Variants in IVNS1ABP observed in about 807,000 individuals in gnomAD.
IVNS1ABP encodes influenza virus NS1A binding protein.
Under a neutral mutation model 78.9 loss-of-function variants are expected in IVNS1ABP, and 25 were observed. The ratio of observed to expected loss-of-function variants is 0.32; its 90% confidence interval spans 0.23 to 0.44. IVNS1ABP has a LOEUF of 0.44. Ranked by LOEUF, IVNS1ABP falls within the 20% of genes least tolerant of loss-of-function variation. The pLI is 1.00. For missense variants in IVNS1ABP, 494 were observed against 768.9 expected (o/e 0.64, Z 4.23); for synonymous variants, 241 against 259.7 (o/e 0.93, Z 0.69).
Position 185,297,024 on chromosome 1 carries a change from C to T in IVNS1ABP, c.*1011G>A, listed in dbSNP as rs1018599391. On this transcript the variant is annotated 3_prime_UTR_variant, in exon 15 of 15. Transcript: ENST00000367498. ...ACATTAGACACCAAGTCATCCCAACCAATATTTATCCATATGAACAGATAA... is the reference window on the plus strand; with the variant it reads ...ACATTAGACACCAAGTCATCCCAACTAATATTTATCCATATGAACAGATAA... 3.7e-4 allele frequency: 57 copies of T among 152,022 alleles called. No homozygotes were observed. Among genetic ancestry groups the T allele is most frequent in the African/African-American group, 1.2e-3 (51 of 41,410 alleles). 9.4% of individuals were successfully genotyped at this position (152,022 alleles called of 1,614,324 possible). A position where few individuals can be genotyped will look rare whatever the true frequency, so the allele number is the denominator to read the frequency against.
chr1:185,316,697 C>T (rs879682431), intron 1 of IVNS1ABP, among the ~76,000 whole-genome samples: 4 of 152,192 alleles, frequency 2.6e-5, no homozygotes, highest in Non-Finnish European at 4.4e-5. Context: ...AGCCTCCGCG[C>T]TCTCCGAGGC....
At chr1:185,312,478 C>A (rs952473437) in intron 1 of IVNS1ABP, among the ~76,000 whole-genome samples, 1 of 152,166 alleles carries the variant, frequency 6.6e-6, no homozygotes, top group Non-Finnish European at 1.5e-5. Context: ...AGTGAATAAT[C>A]ACTTACCACA....
At chr1:185,306,819 G>A in intron 7 of IVNS1ABP, 195 bp downstream of exon 7, 1 of 729,432 alleles carries the variant, frequency 1.4e-6, no homozygotes. Context: ...AATAAAAAAA[G>A]AAAAGCAGAA....
At chr1:185,302,983 T>C (rs937225901) in intron 8 of IVNS1ABP, among the ~76,000 whole-genome samples, 3 of 152,046 alleles carry the variant, frequency 2.0e-5, no homozygotes, top group Admixed American at 6.6e-5. Context: ...ACTAAAGTTG[T>C]GAATGCATCT....
At chr1:185,315,968 G>A (rs1666006451) in intron 1 of IVNS1ABP, among the ~76,000 whole-genome samples, 1 of 152,162 alleles carries the variant, frequency 6.6e-6, no homozygotes, top group Non-Finnish European at 1.5e-5. Context: ...TGAAATGTCA[G>A]CTGTCTCAAA....
At chr1:185,306,987 T>C (rs778571146) in intron 7 of IVNS1ABP, 27 bp downstream of exon 7, 9 of 1,607,494 alleles carry the variant, frequency 5.6e-6, no homozygotes, top group South Asian at 1.1e-5. Context: ...TTAAAAATGG[T>C]TGAATCCCAT....
chr1:185,309,585 TAC>T (rs1205097361), intron 2 of IVNS1ABP, 74 bp from the exon 3 acceptor site: 1 of 747,376 alleles, frequency 1.3e-6, no homozygotes, highest in African/African-American at 1.8e-5. Flanking sequence ...TAAAGAGTAA[TAC>T]AGTCTCTTTA....
chr1:185,298,264 A>G lies in IVNS1ABP; in HGVS notation c.1700T>C (p.Phe567Ser). The G allele has an allele frequency of 6.2e-7, 1 of 1,613,470 alleles. No individual in the cohort carries two copies. Among genetic ancestry groups the G allele is most frequent in the East Asian group, 2.2e-5 (1 of 44,860 alleles). ...ACAACTGATGGCATGAGAACCATCA[A>G]AGCCACCACATACAAACAGTTTTCC... ...LNGKLFVCGG[F>S]DGSHAISCVE... The change falls in exon 15 of 15, where the codon TTT becomes TCT. Residue 567 changes from phenylalanine to serine, a missense_variant. Transcript: ENST00000367498. The surrounding 1 kb of genome is among the most constrained non-coding windows in gnomAD (Gnocchi z 4.1).
At chr1:185,299,477 TC>T (rs1437159456) in intron 14 of IVNS1ABP, 19 of 535,566 alleles carry the variant, frequency 3.5e-5, no homozygotes, top group Admixed American at 1.3e-4. Flanking sequence ...GGAAATTCAC[TC>T]AGTGCACCCA....
chr1:185,309,503 T>C lies in IVNS1ABP; in HGVS notation c.-10A>G, dbSNP rs2102821017. The C allele has an allele frequency of 1.3e-6, 2 of 1,515,044 alleles. No individual in the cohort carries two copies. Among genetic ancestry groups the C allele is most frequent in the East Asian group, 2.3e-5 (1 of 44,338 alleles). 93.9% of individuals were successfully genotyped at this position (1,515,044 alleles called of 1,614,324 possible). ...ATCCATTGGGAATCATTTTTCCTTA[T>C]AAATTTGGCTAGATGATGAAAAGAA... is the stretch of plus-strand genomic sequence containing the variant. On this transcript the variant is annotated 5_prime_UTR_variant, in exon 3 of 15. Transcript: ENST00000367498.
At position 185,299,733 on chromosome 1, in the gene IVNS1ABP, C is replaced by T. The variant is rs1665518207; in HGVS notation, c.1652G>A (p.Gly551Glu). Residue 551 changes from glycine to glutamate, a missense_variant, in exon 14 of 15, where the codon GGA becomes GAA. Physicochemically the swap from Gly to Glu is moderately conservative, Grantham distance 98. Transcript: ENST00000367498. ...ACCATTAAGAACAGCCACTCCAGCT[C>T]CTCGCCTAGCCACATTCATGGGTGC... ...LIAPMNVARR[G>E]AGVAVLNGKL... 6.2e-7 allele frequency: 1 copy of T among 1,613,586 alleles called. No homozygotes were observed.
Position 185,298,391 on chromosome 1 carries a change from G to A in IVNS1ABP, c.1676-103C>T. 1.0e-6 allele frequency: 1 copy of A among 994,300 alleles called. No individual in the cohort carries two copies. The highest frequency in any genetic ancestry group is 2.7e-5 in the Admixed American group (1 of 36,732). 61.6% of individuals were successfully genotyped at this position (994,300 alleles called of 1,614,324 possible). ...TTAAAAATCAGTGGTTTTAAAAATAGAAATGCCTGTTCATTTTGTCAAAAA... is the reference window on the plus strand; with the variant it reads ...TTAAAAATCAGTGGTTTTAAAAATAAAAATGCCTGTTCATTTTGTCAAAAA... On this transcript the variant is annotated intron_variant, in intron 14 of 14. Coordinates refer to ENST00000367498, the MANE Select transcript of IVNS1ABP (RefSeq NM_006469.5). The surrounding 1 kb of genome is among the most constrained non-coding windows in gnomAD (Gnocchi z 4.1).
chr1:185,315,551 C>T (rs1253814026), intron 1 of IVNS1ABP, among the ~76,000 whole-genome samples: 1 of 152,168 alleles, frequency 6.6e-6, no homozygotes, highest in Non-Finnish European at 1.5e-5. Context: ...AAATTATAAG[C>T]TTGATAAGCA....
chr1:185,311,323 C>G lies in IVNS1ABP; in HGVS notation c.-246-1G>C, dbSNP rs577691508. ...TTCTGTGATAATGATGCATCATAAT[C>G]TATAACAATGATAAATTTAAGTTAG... On this transcript the variant is annotated splice_acceptor_variant, in intron 1 of 14. Transcript: ENST00000367498. LOFTEE classifies it low-confidence loss of function (5UTR_SPLICE). The G allele has an allele frequency of 2.5e-6, 1 of 397,430 alleles. No individual in the cohort carries two copies. Among genetic ancestry groups the G allele is most frequent in the Non-Finnish European group, 4.4e-6 (1 of 225,410 alleles). 24.6% of individuals were successfully genotyped at this position (397,430 alleles called of 1,614,324 possible). A position where few individuals can be genotyped will look rare whatever the true frequency, so the allele number is the denominator to read the frequency against.
intron 1 of IVNS1ABP, among the ~76,000 whole-genome samples, chr1:185,314,482 A>T (rs1300722399): frequency 6.6e-6 from 1 of 152,274 alleles, no homozygotes; most frequent in Non-Finnish European, 1.5e-5. Context: ...CAGAAACTGC[A>T]GCTATTTCAG....
chr1:185,306,468 T>C, intron 7 of IVNS1ABP: 2 of 1,288,946 alleles, frequency 1.6e-6, no homozygotes, highest in Non-Finnish European at 2.0e-6. Context: ...ACAAGAATCC[T>C]GTAAAGGAGT....
intron 2 of IVNS1ABP, 24 bp from the exon 3 acceptor site, chr1:185,309,535 G>T: frequency 8.5e-7 from 1 of 1,179,810 alleles, no homozygotes; most frequent in Non-Finnish European, 1.3e-6. Flanking sequence ...AGAAAGCTGA[G>T]TTATTTTACT....
chr1:185,308,927 T>C, intron 4 of IVNS1ABP, 52 bp from the exon 5 acceptor site: 2 of 1,575,470 alleles, frequency 1.3e-6, no homozygotes, highest in Non-Finnish European at 8.7e-7. Context: ...ACACACTTAA[T>C]TTAAATATAT....
At chr1:185,303,870 T>C (rs1386070453) in intron 8 of IVNS1ABP, among the ~76,000 whole-genome samples, 1 of 152,166 alleles carries the variant, frequency 6.6e-6, no homozygotes, top group African/African-American at 2.4e-5. Flanking sequence ...TAATAGACTG[T>C]TCCCCAGTTT....
Sources: gnomAD v4.1 joint callset for allele counts (sites outside exome capture counted in the v4.1 genomes callset) on GRCh38, gnomAD v4.1.1 for gene constraint, Gnocchi (gnomAD v3.1) non-coding constraint, MANE v1.5 for transcripts, NCBI Gene and HGNC (gene_info 2026-07-23, HGNC 2026-07-21) for gene names.